Variants in CCDC60 observed in about 807,000 individuals in gnomAD.
CCDC60 encodes coiled-coil domain-containing protein 60.
A neutral mutation model predicts 63.5 loss-of-function variants in CCDC60; 54 were observed. The observed-to-expected ratio is 0.85, with a 90% CI of 0.68 to 1.07. The LOEUF (loss-of-function observed/expected upper bound fraction) is 1.07, where lower values mean the gene tolerates loss of function less well. CCDC60 is among the 50% of genes least tolerant of loss of function. The pLI, the probability that CCDC60 is intolerant of heterozygous loss-of-function variation, is 0.00. For synonymous variants in CCDC60, 206 were observed against 238.8 expected, an observed-to-expected ratio of 0.86 and a Z score of 1.27; for missense variants, 651 against 684.3, an observed-to-expected ratio of 0.95 and a Z score of 0.54.
chr12:119,449,309 A>G (rs1199031555), intron 2 of CCDC60, among the ~76,000 whole-genome samples: 2 of 152,232 alleles, frequency 1.3e-5, no homozygotes, highest in Admixed American at 1.3e-4. Context: ...TACAAATGAA[A>G]GAAATAACTT....
chr12:119,338,945 A>G (rs1955503167), intron 1 of CCDC60, among the ~76,000 whole-genome samples: 1 of 152,202 alleles, frequency 6.6e-6, no homozygotes, highest in Non-Finnish European at 1.5e-5. Flanking sequence ...GGACATTGCT[A>G]TATCCTAACG....
Position 119,456,060 on chromosome 12 carries a change from A to AAAGAAAGCAAGCAAGC in CCDC60, c.171-15931_171-15930insAAAGCAAGCAAGCAAG, listed in dbSNP as rs1224088473. On this transcript the variant is annotated intron_variant, in intron 2 of 13. Coordinates refer to ENST00000327554, the MANE Select transcript of CCDC60 (RefSeq NM_178499.5). The surrounding 1 kb of genome is among the most constrained non-coding windows in gnomAD (Gnocchi z 4.6). ...GAAAGAAAGAAAGAAAGAAAGAAAGAAAGCAAGCAAGCATGTGCAATTTCA... is the reference window on the plus strand; with the variant it reads ...GAAAGAAAGAAAGAAAGAAAGAAAGAAAGAAAGCAAGCAAGCAAGCAAGCAAGCATGTGCAATTTCA... Among the ~76,000 whole-genome samples the AAAGAAAGCAAGCAAGC allele has an allele frequency of 3.6e-3, 433 of 118,766 alleles. 5 individuals carry two copies. The highest frequency in any genetic ancestry group is 0.02 in the East Asian group (73 of 3,636). The allele number at this position is 118,766 out of a possible 152,430, so 77.9% of individuals were successfully genotyped here. A position where few individuals can be genotyped will look rare whatever the true frequency, so the allele number is the denominator to read the frequency against.
chr12:119,343,214 C>T (rs1296759051), intron 1 of CCDC60, among the ~76,000 whole-genome samples: 6 of 152,258 alleles, frequency 3.9e-5, no homozygotes, highest in East Asian at 1.9e-4. Context: ...AAATTTCTTG[C>T]GGGGCTCAAT....
chr12:119,409,998 T>G (rs1362214309), intron 1 of CCDC60, among the ~76,000 whole-genome samples: 1 of 152,164 alleles, frequency 6.6e-6, no homozygotes, highest in Non-Finnish European at 1.5e-5. Context: ...GCCACCACTC[T>G]TGTTCCCAGA....
At chr12:119,406,025 G>T (rs1956481824) in intron 1 of CCDC60, among the ~76,000 whole-genome samples, 1 of 152,146 alleles carries the variant, frequency 6.6e-6, no homozygotes, top group Non-Finnish European at 1.5e-5. Flanking sequence ...TACAAAATTA[G>T]CTGGGAGTGG....
At chr12:119,498,625 G>C (rs117702928) in intron 5 of CCDC60, among the ~76,000 whole-genome samples, 1 of 152,088 alleles carries the variant, frequency 6.6e-6, no homozygotes, top group African/African-American at 2.4e-5. Context: ...GCATGAGCCC[G>C]GTTCGTCTTC....
At chr12:119,479,892 T>C in intron 4 of CCDC60, 1 of 152,058 alleles carries the variant, frequency 6.6e-6, no homozygotes, top group East Asian at 1.9e-4. Context: ...GCCGCATCCA[T>C]GGCCTCTACC....
At chr12:119,434,907 C>T (rs1021887413) in intron 2 of CCDC60, among the ~76,000 whole-genome samples, 4 of 152,138 alleles carry the variant, frequency 2.6e-5, no homozygotes, top group Non-Finnish European at 4.4e-5. Context: ...GCCACAAGAA[C>T]CACAGGAGCA....
In CCDC60 at chr12:119,416,978, G is replaced by C. The variant is rs925185735; in HGVS notation, c.91-11705G>C. On this transcript the variant is annotated intron_variant, in intron 1 of 13. Transcript: ENST00000327554. ...TATACAAAAAAATACAAAATTATTC[G>C]GGCATGGTGGCACATGCCTGTAATC... 6.6e-5 allele frequency among the ~76,000 whole-genome samples: 10 copies of C among 152,134 alleles called. No homozygotes were observed. The East Asian group carries it at 1.9e-3, about 29-fold the overall frequency.
At chr12:119,379,761 C>G (rs1271137556) in intron 1 of CCDC60, among the ~76,000 whole-genome samples, 3 of 152,190 alleles carry the variant, frequency 2.0e-5, no homozygotes, top group Non-Finnish European at 4.4e-5. Context: ...CTGGTTTGAA[C>G]TGATTCAGGG....
chr12:119,491,367 C>T (rs1473865955), intron 5 of CCDC60, among the ~76,000 whole-genome samples: 2 of 152,068 alleles, frequency 1.3e-5, no homozygotes, highest in African/African-American at 4.8e-5. Context: ...CTCGCTCTGT[C>T]GCCCAGGCTG....
intron 1 of CCDC60, among the ~76,000 whole-genome samples, chr12:119,408,649 C>G (rs10849658): frequency 0.2 from 31,117 of 152,014 alleles, 3,403 homozygotes; most frequent in South Asian, 0.41. Flanking sequence ...CGGTGAAACC[C>G]TGTCTCTACT....
chr12:119,512,819 C>A (rs1296068269), intron 7 of CCDC60, among the ~76,000 whole-genome samples: 1 of 152,208 alleles, frequency 6.6e-6, no homozygotes, highest in Admixed American at 6.5e-5. Context: ...AAGGCTCTCC[C>A]TTTGGTTGCT....
chr12:119,457,870 T>C (rs1418641752), intron 2 of CCDC60, among the ~76,000 whole-genome samples: 3 of 152,276 alleles, frequency 2.0e-5, no homozygotes, highest in Non-Finnish European at 4.4e-5. Context: ...TCTCACCTTC[T>C]TGTCAATTTG....
At chr12:119,440,386 G>A (rs1374063487) in intron 2 of CCDC60, among the ~76,000 whole-genome samples, 6 of 151,800 alleles carry the variant, frequency 4.0e-5, no homozygotes, top group Non-Finnish European at 7.4e-5. Flanking sequence ...AAAAATTAGC[G>A]GGGCATGGTG....
chr12:119,540,779 C>T lies in CCDC60; in HGVS notation c.*64C>T. ...GTTTGCCTATATCATGTTCCTGTAT[C>T]CTGCCTGTGTTCCTGCCTCCTGACT... On this transcript the variant is annotated 3_prime_UTR_variant, in exon 14 of 14. Coordinates refer to ENST00000327554, the MANE Select transcript of CCDC60 (RefSeq NM_178499.5). 1 of 1,175,406 alleles carries T rather than the reference C, an allele frequency of 8.5e-7. No homozygotes were observed. Among genetic ancestry groups the T allele is most frequent in the Non-Finnish European group, 1.3e-6 (1 of 794,694 alleles). The allele number at this position is 1,175,406 out of a possible 1,614,324, so 72.8% of individuals were successfully genotyped here.
intron 1 of CCDC60, among the ~76,000 whole-genome samples, chr12:119,340,502 C>A (rs1955520576): frequency 6.6e-6 from 1 of 152,118 alleles, no homozygotes; most frequent in Non-Finnish European, 1.5e-5. Context: ...CTGGGCCTGA[C>A]GGTCTCCATC....
intron 1 of CCDC60, among the ~76,000 whole-genome samples, chr12:119,406,564 A>G (rs892944035): frequency 2.0e-5 from 3 of 152,216 alleles, no homozygotes; most frequent in Non-Finnish European, 4.4e-5. Flanking sequence ...CAATGCTAGA[A>G]TCCAGAGGAG....
At chr12:119,391,094 G>A (rs1425438764) in intron 1 of CCDC60, among the ~76,000 whole-genome samples, 1 of 152,156 alleles carries the variant, frequency 6.6e-6, no homozygotes, top group Admixed American at 6.5e-5. Flanking sequence ...AATGTGAGGG[G>A]AGGATTTGAG....
Sources: gnomAD v4.1 joint callset for allele counts (sites outside exome capture counted in the v4.1 genomes callset) on GRCh38, gnomAD v4.1.1 for gene constraint, Gnocchi (gnomAD v3.1) non-coding constraint, MANE v1.5 for transcripts, NCBI Gene and HGNC (gene_info 2026-07-23, HGNC 2026-07-21) for gene names.